Variants in MBOAT1 observed in about 807,000 individuals in gnomAD.
The protein encoded by MBOAT1 is membrane-bound glycerophospholipid O-acyltransferase 1.
A neutral mutation model predicts 64.4 loss-of-function variants in MBOAT1; 67 were observed. That is an observed-to-expected ratio of 1.04 (90% confidence interval 0.85 to 1.27). MBOAT1 has a LOEUF of 1.27. MBOAT1 is among the 50% of genes most tolerant of loss of function. The probability of loss-of-function intolerance (pLI) is 0.00; values close to 1 mark genes in which losing one functional copy is unlikely to be tolerated. For missense variants in MBOAT1, 563 were observed against 604.6 expected (o/e 0.93, Z 0.72); for synonymous variants, 229 against 218.9 (o/e 1.05, Z -0.41).
intron 3 of MBOAT1, among the ~76,000 whole-genome samples, chr6:20,145,154 T>A (rs1318459187): frequency 6.6e-6 from 1 of 152,158 alleles, no homozygotes; most frequent in African/African-American, 2.4e-5. Flanking sequence ...GTGGGACCTT[T>A]GGGAGGTGAC....
In MBOAT1 at chr6:20,131,151, A is replaced by C; in HGVS notation, c.468T>G (p.Val156=). 6.2e-7 allele frequency: 1 copy of C among 1,613,896 alleles called. No individual in the cohort carries two copies. The highest frequency in any genetic ancestry group is 1.1e-5 in the South Asian group (1 of 91,086). The change falls in exon 5 of 13, where the codon GTT becomes GTG. Residue 156 remains valine (V), a synonymous_variant. Transcript: ENST00000324607. ...GAGGGCTGCTGTTCTTACCATCATG[A>C]ACCTGGAATGCCAAGGTTGTGATCT... ...TQKITTLAFQ[V]HDGLGRRAED...
intron 5 of MBOAT1, among the ~76,000 whole-genome samples, chr6:20,130,283 A>T (rs1431424447): frequency 1.3e-5 from 2 of 152,218 alleles, no homozygotes; most frequent in Non-Finnish European, 2.9e-5. Flanking sequence ...GGCCATTTTT[A>T]GGCAGTGCCT....
intron 1 of MBOAT1, among the ~76,000 whole-genome samples, chr6:20,153,960 T>C (rs1290560526): frequency 6.6e-6 from 1 of 152,226 alleles, no homozygotes; most frequent in Non-Finnish European, 1.5e-5. Context: ...CTTAAACTCT[T>C]CAAAGTATTC....
intron 11 of MBOAT1, 152 bp from the exon 12 acceptor site, chr6:20,109,901 A>ATTTTTTTTTTTTTTTTTTTTTT (rs756853889): frequency 1.0e-5 from 3 of 296,680 alleles, no homozygotes; most frequent in Non-Finnish European, 1.1e-5. Flanking sequence ...TACCATCAGG[A>ATTTTTTTTTTTTTTTTTTTTTT]CTTTTTTTTT....
intron 9 of MBOAT1, among the ~76,000 whole-genome samples, chr6:20,115,786 A>G (rs1179401042): frequency 6.6e-6 from 1 of 152,088 alleles, no homozygotes; most frequent in African/African-American, 2.4e-5. Context: ...GCCCTCTAAA[A>G]CTAGGTCAGT....
At chr6:20,189,827 C>T (rs1762755011) in intron 1 of MBOAT1, among the ~76,000 whole-genome samples, 1 of 152,048 alleles carries the variant, frequency 6.6e-6, no homozygotes. Flanking sequence ...GCATAATGTC[C>T]CCCAGGTTCA....
intron 2 of MBOAT1, among the ~76,000 whole-genome samples, chr6:20,152,132 G>T (rs1017890119): frequency 2.0e-5 from 3 of 151,786 alleles, no homozygotes; most frequent in Non-Finnish European, 2.9e-5. Context: ...ACCAGCCTGG[G>T]CAACACGGTG....
intron 12 of MBOAT1, among the ~76,000 whole-genome samples, chr6:20,109,109 C>T (rs1383377137): frequency 6.6e-6 from 1 of 152,194 alleles, no homozygotes; most frequent in African/African-American, 2.4e-5. Flanking sequence ...ACCCCTCCAA[C>T]ACGTGCAACT....
chr6:20,111,741 T>G (rs1206150935), intron 11 of MBOAT1, among the ~76,000 whole-genome samples: 7 of 149,838 alleles, frequency 4.7e-5, no homozygotes, highest in Non-Finnish European at 1.5e-5. Flanking sequence ...TATGTACAAA[T>G]ATGTACAATA....
intron 1 of MBOAT1, among the ~76,000 whole-genome samples, chr6:20,200,500 C>A (rs1376440095): frequency 6.6e-6 from 1 of 152,084 alleles, no homozygotes; most frequent in Admixed American, 6.5e-5. Flanking sequence ...TGCCACCAGG[C>A]CAGTAGGAGG....
intron 1 of MBOAT1, among the ~76,000 whole-genome samples, chr6:20,198,774 A>G (rs1238100341): frequency 1.3e-5 from 2 of 152,218 alleles, no homozygotes; most frequent in African/African-American, 2.4e-5. Flanking sequence ...GTCAATTTCT[A>G]AATTGTTTTA....
intron 11 of MBOAT1, among the ~76,000 whole-genome samples, chr6:20,111,879 T>TAC (rs1581396161): frequency 9.8e-3 from 739 of 75,054 alleles, no homozygotes; most frequent in Middle Eastern, 0.041. Flanking sequence ...CATATATATA[T>TAC]GTATATATAT....
In MBOAT1 at chr6:20,124,505, G is replaced by A; in HGVS notation, c.810C>T (p.Asp270=). ...GAAAGCTTGCTTTATGGACAAACCA[G>A]TCATCCACAAGGCAGGTGACAGGAA... ...KTFPVTCLVD[D]WFVHKASFPA... Residue 270 remains aspartate (D), a synonymous_variant, in exon 8 of 13, where the codon GAC becomes GAT. Coordinates refer to ENST00000324607, the MANE Select transcript of MBOAT1 (RefSeq NM_001080480.3). The A allele has an allele frequency of 6.2e-7, 1 of 1,614,160 alleles. No individual in the cohort carries two copies. Among genetic ancestry groups the A allele is most frequent in the South Asian group, 1.1e-5 (1 of 91,088 alleles).
At chr6:20,191,231 C>T (rs1386244231) in intron 1 of MBOAT1, among the ~76,000 whole-genome samples, 2 of 152,190 alleles carry the variant, frequency 1.3e-5, no homozygotes, top group Non-Finnish European at 2.9e-5. Context: ...ACACTCACTT[C>T]CACCTTCTAA....
intron 1 of MBOAT1, among the ~76,000 whole-genome samples, chr6:20,167,788 C>G (rs1762054479): frequency 6.6e-6 from 1 of 152,218 alleles, no homozygotes; most frequent in Non-Finnish European, 1.5e-5. Flanking sequence ...TGCAACTACT[C>G]TCACAGAATT....
At chr6:20,193,613 T>G (rs1342647350) in intron 1 of MBOAT1, among the ~76,000 whole-genome samples, 2 of 151,270 alleles carry the variant, frequency 1.3e-5, no homozygotes, top group Non-Finnish European at 2.9e-5. Context: ...CCTTTTTTTT[T>G]TTTTTTTTTT....
At chr6:20,173,159 C>T (rs779071885) in intron 1 of MBOAT1, among the ~76,000 whole-genome samples, 4 of 152,214 alleles carry the variant, frequency 2.6e-5, no homozygotes, top group African/African-American at 4.8e-5. Flanking sequence ...GCTTCCTGTA[C>T]AGCCTGCAGA....
chr6:20,132,695 A>G (rs1760867605), intron 4 of MBOAT1, among the ~76,000 whole-genome samples: 1 of 152,238 alleles, frequency 6.6e-6, no homozygotes, highest in African/African-American at 2.4e-5. Context: ...ACAAACAATA[A>G]AAGAAAAAGT....
At chr6:20,192,991 A>ATTT (rs1238333593) in intron 1 of MBOAT1, among the ~76,000 whole-genome samples, 7 of 59,828 alleles carry the variant, frequency 1.2e-4, no homozygotes, top group African/African-American at 2.9e-4. Context: ...GTATGCTATA[A>ATTT]TTTCTTTTTT....
Sources: gnomAD v4.1 joint callset for allele counts (sites outside exome capture counted in the v4.1 genomes callset) on GRCh38, gnomAD v4.1.1 for gene constraint, MANE v1.5 for transcripts, NCBI Gene and HGNC (gene_info 2026-07-23, HGNC 2026-07-21) for gene names.